Variants in GSTCD observed in about 807,000 individuals in gnomAD.
GSTCD encodes glutathione S-transferase C-terminal domain containing.
A neutral mutation model predicts 68.3 loss-of-function variants in GSTCD; 44 were observed. That is an observed-to-expected ratio of 0.64 (90% CI 0.51 to 0.83). The LOEUF (loss-of-function observed/expected upper bound fraction) is 0.83. Ranked by LOEUF, GSTCD falls within the 40% of genes least tolerant of loss-of-function variation. GSTCD has a pLI of 0.00. For missense variants in GSTCD, 739 were observed against 735.9 expected, an observed-to-expected ratio of 1.00 and a Z score of -0.05; for synonymous variants, 273 against 255.2, an observed-to-expected ratio of 1.07 and a Z score of -0.67.
chr4:105,758,265 C>T (rs1450531461), intron 5 of GSTCD, among the ~76,000 whole-genome samples: 4 of 152,140 alleles, frequency 2.6e-5, no homozygotes, highest in South Asian at 4.1e-4. Flanking sequence ...TTTTTCTATA[C>T]TTTTGGTTAT....
chr4:105,841,298 T>TG (rs1450234898), intron 10 of GSTCD, among the ~76,000 whole-genome samples: 2 of 150,196 alleles, frequency 1.3e-5, no homozygotes, highest in Non-Finnish European at 3.0e-5. Flanking sequence ...CACTGGAGCC[T>TG]GGACAACAGA....
At chr4:105,824,119 T>C (rs1447409470) in intron 7 of GSTCD, among the ~76,000 whole-genome samples, 1 of 152,070 alleles carries the variant, frequency 6.6e-6, no homozygotes, top group Non-Finnish European at 1.5e-5. Context: ...GAACTAGTTA[T>C]AGTGAATACT....
intron 4 of GSTCD, among the ~76,000 whole-genome samples, chr4:105,727,712 T>C (rs1733089032): frequency 6.6e-6 from 1 of 151,738 alleles, no homozygotes; most frequent in South Asian, 2.1e-4. Flanking sequence ...AGAATGCATA[T>C]GCTTTATTTT....
At chr4:105,754,976 T>G (rs560742573) in intron 5 of GSTCD, among the ~76,000 whole-genome samples, 1 of 145,930 alleles carries the variant, frequency 6.9e-6, no homozygotes, top group African/African-American at 2.6e-5. Context: ...TCCCAGCACT[T>G]TGGGAGGCTG....
chr4:105,730,918 A>G (rs1733215159), intron 5 of GSTCD, among the ~76,000 whole-genome samples: 2 of 152,038 alleles, frequency 1.3e-5, no homozygotes, highest in Admixed American at 6.6e-5. Flanking sequence ...TAATTTTTGT[A>G]TGGGGTGTAA....
At chr4:105,765,868 T>G (rs1295674736) in intron 5 of GSTCD, among the ~76,000 whole-genome samples, 1 of 152,142 alleles carries the variant, frequency 6.6e-6, no homozygotes, top group African/African-American at 2.4e-5. Context: ...AAGAAAGACG[T>G]GTTTGCTTCC....
rs1262120202 is a variant in GSTCD, at chr4:105,719,296, C to CCA, written c.670_671dup (p.Gln224HisfsTer17). On this transcript the variant is annotated frameshift_variant, in exon 3 of 12. Coordinates refer to ENST00000515279, the MANE Select transcript of GSTCD (RefSeq NM_001370181.1). LOFTEE classifies it high-confidence loss of function. ...CTAAGGGAAAGGCAAAGAGCAAGGTCCACACACAGGAAACATCTGAAGGGT... is the reference window on the plus strand; with the variant it reads ...CTAAGGGAAAGGCAAAGAGCAAGGTCCACACACACAGGAAACATCTGAAGGGT... The CCA allele has an allele frequency of 1.4e-5, 23 of 1,613,974 alleles. No individual in the cohort carries two copies. Among genetic ancestry groups the CCA allele is most frequent in the Non-Finnish European group, 1.9e-5 (23 of 1,180,008 alleles).
intron 5 of GSTCD, among the ~76,000 whole-genome samples, chr4:105,798,393 C>T (rs576192473): frequency 2.6e-5 from 4 of 151,836 alleles, no homozygotes; most frequent in South Asian, 4.2e-4. Flanking sequence ...ATGTTCTGAA[C>T]GGCATCTAGA....
At chr4:105,761,989 G>A (rs1343305569) in intron 5 of GSTCD, 1 of 152,192 alleles carries the variant, frequency 6.6e-6, no homozygotes, top group Non-Finnish European at 1.5e-5. Context: ...CTCTCCCGAA[G>A]GGAGAAAATT....
At chr4:105,786,556 AT>A (rs1472122647) in intron 5 of GSTCD, among the ~76,000 whole-genome samples, 4 of 151,606 alleles carry the variant, frequency 2.6e-5, no homozygotes, top group Non-Finnish European at 5.9e-5. Context: ...AAAGACCACA[AT>A]CCACATAATG....
intron 5 of GSTCD, among the ~76,000 whole-genome samples, chr4:105,733,706 T>C (rs927447896): frequency 6.6e-6 from 1 of 152,224 alleles, no homozygotes; most frequent in African/African-American, 2.4e-5. Context: ...AATATTGTTA[T>C]GTGTGAATTT....
chr4:105,769,952 ATTG>A (rs1192089591), intron 5 of GSTCD, among the ~76,000 whole-genome samples: 1 of 151,982 alleles, frequency 6.6e-6, no homozygotes, highest in African/African-American at 2.4e-5. Flanking sequence ...GAGATACAAT[ATTG>A]TTACGTTTTG....
At chr4:105,831,934 C>G (rs1016814866) in intron 8 of GSTCD, among the ~76,000 whole-genome samples, 1 of 152,004 alleles carries the variant, frequency 6.6e-6, no homozygotes, top group African/African-American at 2.4e-5. Context: ...GAAACTGCAT[C>G]TCAAAAATAA....
chr4:105,773,186 G>A (rs1734922555), intron 5 of GSTCD, among the ~76,000 whole-genome samples: 1 of 152,124 alleles, frequency 6.6e-6, no homozygotes, highest in Non-Finnish European at 1.5e-5. Context: ...TTGTATTTCT[G>A]TGGGATAGTG....
chr4:105,770,118 G>A (rs1240416436), intron 5 of GSTCD, among the ~76,000 whole-genome samples: 2 of 152,120 alleles, frequency 1.3e-5, no homozygotes, highest in East Asian at 1.9e-4. Context: ...TGACAGATTG[G>A]CAGAAGAAAA....
At position 105,729,494 on chromosome 4, in the gene GSTCD, AG is replaced by A. The variant is rs1296776200; in HGVS notation, c.1237del (p.Glu413LysfsTer10). On this transcript the variant is annotated frameshift_variant, in exon 5 of 12. Coordinates refer to ENST00000515279, the MANE Select transcript of GSTCD (RefSeq NM_001370181.1). LOFTEE classifies it high-confidence loss of function. ...GTTCTCCCTGCAGCAGTCAGCCCAA[AG>A]GAAGGTGAGTTTTCTTTTTTCTTTA... Reference protein sequence around the residue: ...WNVLPAAVSPKEGKMSSDRAL... With the variant: ...WNVLPAAVSPXEGKMSSDRAL... 5 of 1,606,908 alleles carry A rather than the reference AG, an allele frequency of 3.1e-6. No homozygotes were observed. The Admixed American group carries it at 8.4e-5, about 27-fold the overall frequency.
At chr4:105,735,716 A>G (rs1214048440) in intron 5 of GSTCD, among the ~76,000 whole-genome samples, 1 of 152,068 alleles carries the variant, frequency 6.6e-6, no homozygotes, top group Non-Finnish European at 1.5e-5. Context: ...CAGTGAGATG[A>G]ACCCGGTACA....
intron 1 of GSTCD, among the ~76,000 whole-genome samples, chr4:105,711,285 A>C (rs932476161): frequency 6.6e-6 from 1 of 152,230 alleles, no homozygotes; most frequent in Non-Finnish European, 1.5e-5. Flanking sequence ...TTTCATACTT[A>C]TAAACTGTGT....
chr4:105,726,770 A>AG lies in GSTCD; in HGVS notation c.1087dup (p.Glu363GlyfsTer25), dbSNP rs779710655. On this transcript the variant is annotated frameshift_variant, in exon 4 of 12. Coordinates refer to ENST00000515279, the MANE Select transcript of GSTCD (RefSeq NM_001370181.1). LOFTEE classifies it high-confidence loss of function. ...CAAACTTATGTGAAGTCCCAGGTGT[A>AG]GAAGAGCAAAGCGATCCTTTATTTA... 6.2e-7 allele frequency: 1 copy of AG among 1,613,872 alleles called. No homozygotes were observed. Among genetic ancestry groups the AG allele is most frequent in the Non-Finnish European group, 8.5e-7 (1 of 1,179,784 alleles).
Sources: allele counts gnomAD v4.1 joint callset (sites outside exome capture counted in the v4.1 genomes callset), GRCh38; gene constraint gnomAD v4.1.1; transcripts MANE v1.5; gene names NCBI Gene and HGNC (gene_info 2026-07-23, HGNC 2026-07-21).